ZNF608: variants seen among roughly 807,000 people sequenced by gnomAD.
ZNF608 encodes the protein zinc finger protein 608, also known as renal carcinoma antigen NY-REN-36.
In ZNF608, 12 loss-of-function variants were observed where a neutral mutation model predicts 109.0. The observed-to-expected ratio is 0.11, with a 90% CI of 0.07 to 0.18. ZNF608 has a LOEUF of 0.18. ZNF608 is among the 10% of genes least tolerant of loss of function. The pLI, the probability that ZNF608 is intolerant of heterozygous loss-of-function variation, is 1.00. For synonymous variants in ZNF608, 732 were observed against 717.4 expected (o/e 1.02, Z -0.33); for missense variants, 1,707 against 1,879.3 (o/e 0.91, Z 1.70).
rs556722941 is a variant in ZNF608, at chr5:124,711,602, G to A, written c.907-10333C>T. On this transcript the variant is annotated intron_variant, in intron 2 of 9. Coordinates refer to ENST00000513986, the MANE Select transcript of ZNF608 (RefSeq NM_020747.3). The stretch of plus-strand genomic sequence containing the variant: ...GGCCCTCCCCTTTAGATGGGTTGCC[G>A]TTTAAGCCGCCTCACTGTTGGGGAA... 6.6e-5 allele frequency among the ~76,000 whole-genome samples: 10 copies of A among 152,324 alleles called. No individual in the cohort carries two copies. In the South Asian group the frequency reaches 8.3e-4, roughly 13 times the overall value.
At chr5:124,722,771 C>T (rs1005936753) in intron 2 of ZNF608, among the ~76,000 whole-genome samples, 3 of 151,856 alleles carry the variant, frequency 2.0e-5, no homozygotes, top group African/African-American at 7.3e-5. Context: ...GTTGGAGAAT[C>T]AGAATAGGGG....
chr5:124,695,430 C>T (rs2149842686), intron 3 of ZNF608, among the ~76,000 whole-genome samples: 1 of 152,210 alleles, frequency 6.6e-6, no homozygotes, highest in Admixed American at 6.5e-5. Context: ...AATAACAATA[C>T]CACAGATTCA....
At chr5:124,677,284 C>G (rs200727686) in intron 3 of ZNF608, among the ~76,000 whole-genome samples, 1 of 152,156 alleles carries the variant, frequency 6.6e-6, no homozygotes. Flanking sequence ...ATAATCCCCC[C>G]CTTTGAAAGG....
At position 124,744,256 on chromosome 5, in the gene ZNF608, C is replaced by T; in HGVS notation, c.734G>A (p.Gly245Asp). 6.2e-7 allele frequency: 1 copy of T among 1,613,440 alleles called. No homozygotes were observed. Among genetic ancestry groups the T allele is most frequent in the Non-Finnish European group, 8.5e-7 (1 of 1,179,836 alleles). ...CCCGCAGTGGAAGGGGCTCGCGCCACCTCCATTGCTCTTGGCCCCAAAGCC... is the reference window on the plus strand; with the variant it reads ...CCCGCAGTGGAAGGGGCTCGCGCCATCTCCATTGCTCTTGGCCCCAAAGCC... ...LYGFGAKSNG[G>D]GASPFHCGGT... Residue 245 changes from glycine (G) to aspartate (D), a missense_variant, in exon 2 of 10, where the codon GGT becomes GAT. Physicochemically the swap from Gly to Asp is moderately conservative, Grantham distance 94 (BLOSUM62 -1). Coordinates refer to ENST00000513986, the MANE Select transcript of ZNF608 (RefSeq NM_020747.3). The surrounding 1 kb of genome is among the most constrained non-coding windows in gnomAD (Gnocchi z 4.5).
At chr5:124,651,481 A>C (rs982888869) in intron 3 of ZNF608, among the ~76,000 whole-genome samples, 6 of 152,232 alleles carry the variant, frequency 3.9e-5, no homozygotes, top group Admixed American at 3.9e-4. Context: ...TACTGCCAGA[A>C]GGTTACTGCA....
intron 2 of ZNF608, among the ~76,000 whole-genome samples, chr5:124,702,388 C>A (rs79621922): frequency 1.3e-5 from 2 of 151,646 alleles, no homozygotes; most frequent in Non-Finnish European, 2.9e-5. Context: ...GTAAAAAGGG[C>A]GCATCGAAGA....
intron 3 of ZNF608, among the ~76,000 whole-genome samples, chr5:124,691,013 GTTAT>G (rs1279932381): frequency 7.2e-5 from 11 of 151,734 alleles, no homozygotes; most frequent in South Asian, 2.1e-4. Flanking sequence ...TTTTCATTGG[GTTAT>G]TTGTTATTTG....
chr5:124,642,082 G>C (rs1750269161), intron 7 of ZNF608, among the ~76,000 whole-genome samples: 1 of 152,162 alleles, frequency 6.6e-6, no homozygotes, highest in African/African-American at 2.4e-5. Context: ...CTAAGAAGGA[G>C]GACTCAGAAA....
At chr5:124,709,524 C>A (rs1330336362) in intron 2 of ZNF608, among the ~76,000 whole-genome samples, 1 of 152,168 alleles carries the variant, frequency 6.6e-6, no homozygotes, top group Non-Finnish European at 1.5e-5. Context: ...AGTTCCATAG[C>A]TAAGCGATAT....
chr5:124,726,903 C>CA (rs1367620377), intron 2 of ZNF608, among the ~76,000 whole-genome samples: 12 of 151,398 alleles, frequency 7.9e-5, no homozygotes, highest in South Asian at 2.1e-4. Flanking sequence ...CATCTCCAGA[C>CA]AAAAAAAAAG....
chr5:124,727,529 G>T (rs1411013260), intron 2 of ZNF608, among the ~76,000 whole-genome samples: 1 of 149,972 alleles, frequency 6.7e-6, no homozygotes, highest in Non-Finnish European at 1.5e-5. Context: ...ATGGAAAAAA[G>T]AAATATATAA....
At chr5:124,683,604 G>A (rs942741996) in intron 3 of ZNF608, among the ~76,000 whole-genome samples, 2 of 152,202 alleles carry the variant, frequency 1.3e-5, no homozygotes, top group Non-Finnish European at 2.9e-5. Flanking sequence ...CCGGAAAGTA[G>A]AAATTGGGTG....
In ZNF608 at chr5:124,637,925, C is replaced by T; in HGVS notation, c.4533-19G>A. On this transcript the variant is annotated intron_variant, in intron 9 of 9. Coordinates refer to ENST00000513986, the MANE Select transcript of ZNF608 (RefSeq NM_020747.3). ...TTATTCTCTGCAAAAGAAAAGCAAA[C>T]CTTAGCACACGGTTCTATCAACATT... is the stretch of plus-strand genomic sequence containing the variant. The T allele has an allele frequency of 6.2e-7, 1 of 1,611,340 alleles. No individual in the cohort carries two copies. The highest frequency in any genetic ancestry group is 2.2e-5 in the East Asian group (1 of 44,674).
chr5:124,660,733 A>C (rs1751223020), intron 3 of ZNF608, among the ~76,000 whole-genome samples: 1 of 152,192 alleles, frequency 6.6e-6, no homozygotes, highest in African/African-American at 2.4e-5. Flanking sequence ...ATTTATGTAA[A>C]GTATTTAACA....
Position 124,743,114 on chromosome 5 carries a change from G to A in ZNF608, c.906+970C>T, listed in dbSNP as rs937927441. On this transcript the variant is annotated intron_variant, in intron 2 of 9. Coordinates refer to ENST00000513986, the MANE Select transcript of ZNF608 (RefSeq NM_020747.3). Reference sequence around the variant, plus strand: ...AGCAGCAAAACATGGTGTGGGTGTCGGGGCAGGCAGTTCTTCCAAGGCAGT... The same window carrying A: ...AGCAGCAAAACATGGTGTGGGTGTCAGGGCAGGCAGTTCTTCCAAGGCAGT... 2.6e-5 allele frequency among the ~76,000 whole-genome samples: 4 copies of A among 152,118 alleles called. No individual in the cohort carries two copies. The South Asian group carries it at 6.2e-4, about 24-fold the overall frequency.
Position 124,637,763 on chromosome 5 carries a change from T to G in ZNF608, c.*137A>C. 1.3e-6 allele frequency: 1 copy of G among 777,162 alleles called. No homozygotes were observed. Among genetic ancestry groups the G allele is most frequent in the South Asian group, 1.9e-5 (1 of 53,490 alleles). 48.1% of individuals were successfully genotyped at this position (777,162 alleles called of 1,614,324 possible). On this transcript the variant is annotated 3_prime_UTR_variant, in exon 10 of 10. Coordinates refer to ENST00000513986, the MANE Select transcript of ZNF608 (RefSeq NM_020747.3). ...CAACATTTGTTACTCTGTGATAAAA[T>G]CTGTAATTTACAAAAATGAAATGAC... is the stretch of plus-strand genomic sequence containing the variant.
At chr5:124,685,721 C>T (rs79835561) in intron 3 of ZNF608, among the ~76,000 whole-genome samples, 2 of 152,142 alleles carry the variant, frequency 1.3e-5, no homozygotes, top group East Asian at 3.9e-4. Context: ...ACGCGGCCAG[C>T]CCACCTGATC....
chr5:124,686,160 G>A (rs1752402275), intron 3 of ZNF608, among the ~76,000 whole-genome samples: 1 of 152,192 alleles, frequency 6.6e-6, no homozygotes, highest in Admixed American at 6.5e-5. Context: ...CTGAATCGTG[G>A]AAGATTAATG....
intron 8 of ZNF608, 143 bp downstream of exon 8, chr5:124,641,109 G>A: frequency 6.1e-6 from 6 of 985,968 alleles, no homozygotes; most frequent in Non-Finnish European, 9.4e-6. Context: ...CCTTAGCTGT[G>A]TCACTAGAAA....
Sources: gnomAD v4.1 joint callset for allele counts (sites outside exome capture counted in the v4.1 genomes callset) on GRCh38, gnomAD v4.1.1 for gene constraint, Gnocchi (gnomAD v3.1) non-coding constraint, MANE v1.5 for transcripts, NCBI Gene and HGNC (gene_info 2026-07-23, HGNC 2026-07-21) for gene names.